The following TOP6BL variants were observed in gnomAD, a reference collection of about 807,000 sequenced individuals.
TOP6BL encodes TOP6B like initiator of meiotic double strand breaks, also known as type 2 DNA topoisomerase 6 subunit B-like.
chr11:66,749,277 T>A, the TOP6BL span, among the ~76,000 whole-genome samples: 1 of 152,190 alleles, frequency 6.6e-6, no homozygotes, highest in African/African-American at 2.4e-5. Context: ...GCTCTTACTC[T>A]GCATGAACTG....
chr11:66,762,434 G>T, the TOP6BL span: 1 of 312,896 alleles, frequency 3.2e-6, no homozygotes, highest in Non-Finnish European at 6.0e-6. Flanking sequence ...CGGATGCAAA[G>T]GACAACCCAG....
At chr11:66,813,320 A>G in the TOP6BL span, among the ~76,000 whole-genome samples, 1 of 152,216 alleles carries the variant, frequency 6.6e-6, no homozygotes, top group Non-Finnish European at 1.5e-5. Context: ...ATGAATAAAT[A>G]AACTGTCTTA....
chr11:66,781,504 C>T, the TOP6BL span, among the ~76,000 whole-genome samples: 2 of 152,088 alleles, frequency 1.3e-5, no homozygotes, highest in African/African-American at 2.4e-5. Context: ...TAAAGTCTTT[C>T]CTAAATGTAA....
chr11:66,787,652 G>A, the TOP6BL span, among the ~76,000 whole-genome samples: 5 of 150,994 alleles, frequency 3.3e-5, no homozygotes, highest in African/African-American at 9.7e-5. Context: ...CCCAGGAGGC[G>A]GATGTTGCAG....
chr11:66,775,478 A>T, the TOP6BL span, among the ~76,000 whole-genome samples: 2 of 152,322 alleles, frequency 1.3e-5, no homozygotes, highest in East Asian at 3.9e-4. Flanking sequence ...AGGCTGGGTC[A>T]TGTAACTTGC....
chr11:66,838,473 C>T, the TOP6BL span: 1 of 1,593,672 alleles, frequency 6.3e-7, no homozygotes, highest in Non-Finnish European at 8.6e-7. Context: ...CAAGTGAGCC[C>T]TGGACTGCAG....
the TOP6BL span, chr11:66,838,527 A>G: frequency 1.6e-6 from 2 of 1,281,660 alleles, no homozygotes; most frequent in Non-Finnish European, 2.2e-6. Context: ...AAACTATTCC[A>G]CTGTACCTTC....
the TOP6BL span, among the ~76,000 whole-genome samples, chr11:66,824,422 TA>T: frequency 1.0e-3 from 46 of 45,140 alleles, no homozygotes; most frequent in African/African-American, 4.6e-3. Flanking sequence ...ATTTTGTATT[TA>T]TTATTATTAT....
the TOP6BL span, among the ~76,000 whole-genome samples, chr11:66,835,967 C>T: frequency 3.9e-5 from 6 of 152,250 alleles, no homozygotes; most frequent in South Asian, 8.3e-4. Context: ...AAAGAACTTT[C>T]GAGCTGATTT....
the TOP6BL span, among the ~76,000 whole-genome samples, chr11:66,748,042 G>A: frequency 6.6e-6 from 1 of 151,936 alleles, no homozygotes; most frequent in Non-Finnish European, 1.5e-5. Context: ...ATTTGGGGCA[G>A]GAAAAAAGAA....
chr11:66,762,468 TTTTG>T, the TOP6BL span: 252 of 273,590 alleles, frequency 9.2e-4, 3 homozygotes, highest in South Asian at 8.3e-3. Flanking sequence ...GAGTACCCTT[TTTTG>T]TTTGTTTGTT....
chr11:66,838,071 A>G, the TOP6BL span, among the ~76,000 whole-genome samples: 1 of 152,214 alleles, frequency 6.6e-6, no homozygotes, highest in Non-Finnish European at 1.5e-5. Flanking sequence ...ATGAATGGGC[A>G]CACAGGATAC....
At chr11:66,819,149 CAGAT>C in the TOP6BL span, among the ~76,000 whole-genome samples, 2 of 152,154 alleles carry the variant, frequency 1.3e-5, no homozygotes, top group African/African-American at 2.4e-5. Flanking sequence ...TTTTAGGAAA[CAGAT>C]GGTGCAAAGT....
the TOP6BL span, among the ~76,000 whole-genome samples, chr11:66,793,827 G>A: frequency 6.6e-6 from 1 of 151,876 alleles, no homozygotes; most frequent in Non-Finnish European, 1.5e-5. Context: ...ACATTAAAAG[G>A]CCAGGTGCAG....
At chr11:66,842,008 G>A in the TOP6BL span, among the ~76,000 whole-genome samples, 1 of 152,086 alleles carries the variant, frequency 6.6e-6, no homozygotes, top group African/African-American at 2.4e-5. Flanking sequence ...AGACTAGCCT[G>A]GGCAACACGG....
chr11:66,826,026 G>A, the TOP6BL span, among the ~76,000 whole-genome samples: 2 of 151,916 alleles, frequency 1.3e-5, no homozygotes, highest in African/African-American at 4.8e-5. Flanking sequence ...TGTATTTTTA[G>A]TAGAGACGGG....
the TOP6BL span, among the ~76,000 whole-genome samples, chr11:66,808,754 A>G: frequency 1.3e-5 from 2 of 152,246 alleles, no homozygotes; most frequent in Non-Finnish European, 2.9e-5. Context: ...AAAGCTAAAG[A>G]TAGCAAGAAC....
chr11:66,790,088 C>T, the TOP6BL span, among the ~76,000 whole-genome samples: 7 of 151,868 alleles, frequency 4.6e-5, no homozygotes, highest in East Asian at 7.7e-4. Flanking sequence ...CTGGCTAACA[C>T]GGTGAAATCC....
the TOP6BL span, among the ~76,000 whole-genome samples, chr11:66,829,313 C>T: frequency 0.015 from 2,274 of 151,822 alleles, 32 homozygotes; most frequent in South Asian, 0.039. Context: ...GTGGTGGCTA[C>T]GCCTGTAATC....
Sources: gnomAD v4.1 joint callset for allele counts (sites outside exome capture counted in the v4.1 genomes callset) on GRCh38, gnomAD v4.1.1 for gene constraint, MANE v1.5 for transcripts, NCBI Gene and HGNC (gene_info 2026-07-23, HGNC 2026-07-21) for gene names.